The following RGS5 variants were observed in gnomAD, a reference collection of about 807,000 sequenced individuals.
RGS5 encodes regulator of G-protein signalling 5.
Under a neutral mutation model 18.9 loss-of-function variants are expected in RGS5, and 20 were observed. That is an observed-to-expected ratio of 1.06 (90% CI 0.74 to 1.54). The LOEUF is 1.54. Ranked by LOEUF, RGS5 falls within the 40% of genes most tolerant of loss-of-function variation. RGS5 has a pLI of 0.00. For synonymous variants in RGS5, 57 were observed against 76.2 expected (o/e 0.75, Z 1.31); for missense variants, 201 against 211.8 (o/e 0.95, Z 0.32).
intron 2 of RGS5, among the ~76,000 whole-genome samples, chr1:163,260,383 A>T (rs964179973): frequency 8.5e-5 from 13 of 152,200 alleles, no homozygotes; most frequent in Non-Finnish European, 1.8e-4. Context: ...TGCTTTAAAG[A>T]GTATGACTTC....
intron 2 of RGS5, among the ~76,000 whole-genome samples, chr1:163,164,841 T>C (rs918961845): frequency 6.6e-6 from 1 of 152,108 alleles, no homozygotes; most frequent in Non-Finnish European, 1.5e-5. Flanking sequence ...ATTGTTTTGG[T>C]TTGATTTGGT....
chr1:163,242,395 C>A (rs2101692068), intron 2 of RGS5, among the ~76,000 whole-genome samples: 1 of 152,168 alleles, frequency 6.6e-6, no homozygotes, highest in South Asian at 2.1e-4. Context: ...CTGTAAATAC[C>A]AAATAAACCA....
At chr1:163,150,386 T>C (rs1657325497) in intron 4 of RGS5, among the ~76,000 whole-genome samples, 3 of 152,210 alleles carry the variant, frequency 2.0e-5, no homozygotes, top group African/African-American at 7.2e-5. Context: ...CTACTATTTG[T>C]AGGTATTTCA....
chr1:163,200,751 A>C (rs1659743977), intron 1 of RGS5, among the ~76,000 whole-genome samples: 1 of 152,168 alleles, frequency 6.6e-6, no homozygotes, highest in Non-Finnish European at 1.5e-5. Flanking sequence ...AATAAATAAA[A>C]GACTCAGTCA....
chr1:163,230,888 C>T (rs1647462474), intron 2 of RGS5, among the ~76,000 whole-genome samples: 1 of 152,162 alleles, frequency 6.6e-6, no homozygotes, highest in African/African-American at 2.4e-5. Context: ...ATCAGATGTC[C>T]TTTTAAAAAA....
chr1:163,309,228 G>A (rs930670184), intron 1 of RGS5, among the ~76,000 whole-genome samples: 3 of 152,162 alleles, frequency 2.0e-5, no homozygotes, highest in African/African-American at 4.8e-5. Context: ...GGTTGCTGAA[G>A]GTTTAGGTGG....
intron 4 of RGS5, among the ~76,000 whole-genome samples, chr1:163,150,675 A>C (rs1466628141): frequency 1.3e-5 from 2 of 152,108 alleles, no homozygotes; most frequent in East Asian, 3.9e-4. Flanking sequence ...ACTTAAATCT[A>C]GATTCTTTCT....
chr1:163,318,451 A>G (rs1481748323), intron 1 of RGS5, among the ~76,000 whole-genome samples: 7 of 152,128 alleles, frequency 4.6e-5, no homozygotes, highest in Admixed American at 3.3e-4. Context: ...GTGAGATGAG[A>G]TAGAATTGGG....
chr1:163,257,994 G>A (rs1456535622), intron 2 of RGS5, among the ~76,000 whole-genome samples: 2 of 152,166 alleles, frequency 1.3e-5, no homozygotes, highest in African/African-American at 4.8e-5. Context: ...AGGAGATGAA[G>A]GGCTCAGGAT....
rs144689396 is a variant in RGS5 at position 163,247,702 on chromosome 1, C to T, written c.-281+58531G>A. Reference sequence around the variant, plus strand: ...AACTTTTTGATAGTGATATTCTGAACCTTTTCTTCTAGAAAAATGGGCACT... The same window carrying T: ...AACTTTTTGATAGTGATATTCTGAATCTTTTCTTCTAGAAAAATGGGCACT... On this transcript the variant is annotated intron_variant, in intron 2 of 5. Coordinates refer to the RGS5 transcript ENST00000618415. Among the ~76,000 whole-genome samples the T allele has an allele frequency of 6.4e-3, 968 of 151,740 alleles. 8 individuals carry two copies. Among genetic ancestry groups the T allele is most frequent in the African/African-American group, 0.022 (918 of 41,360 alleles).
chr1:163,178,425 A>G (rs1052278003), intron 1 of RGS5, among the ~76,000 whole-genome samples: 1 of 152,198 alleles, frequency 6.6e-6, no homozygotes, highest in African/African-American at 2.4e-5. Context: ...TTAGGGTTCT[A>G]TAACTAATCA....
intron 2 of RGS5, among the ~76,000 whole-genome samples, chr1:163,245,941 G>C (rs561932072): frequency 7.9e-5 from 12 of 152,276 alleles, no homozygotes; most frequent in African/African-American, 2.2e-4. Flanking sequence ...CCAGTCCGGG[G>C]GCTGTGGCTC....
rs529219979 is a variant in RGS5, at chr1:163,233,530, G to A, written c.-280-65162C>T. The stretch of plus-strand genomic sequence containing the variant: ...CTTAAATCAATAATCAGTGTCATGC[G>A]TGTCCATGTGAAGAGACCATCAAAC... On this transcript the variant is annotated intron_variant, in intron 2 of 5. Transcript: ENST00000618415. Among the ~76,000 whole-genome samples the A allele has an allele frequency of 6.7e-4, 102 of 152,308 alleles. 1 individual carries two copies. The South Asian group carries it at 0.019, about 28-fold the overall frequency.
At chr1:163,212,322 C>T (rs1301534597) in intron 1 of RGS5, 1 of 152,032 alleles carries the variant, frequency 6.6e-6, no homozygotes, top group African/African-American at 2.4e-5. Context: ...AACATGTAGG[C>T]TGGAGAACCT....
chr1:163,269,571 T>C (rs1473248976), intron 2 of RGS5, among the ~76,000 whole-genome samples: 2 of 152,188 alleles, frequency 1.3e-5, no homozygotes, highest in Admixed American at 1.3e-4. Flanking sequence ...GGCTACATAT[T>C]AATTTTCTTA....
intron 1 of RGS5, among the ~76,000 whole-genome samples, chr1:163,174,553 C>T (rs1165959501): frequency 2.0e-5 from 3 of 152,146 alleles, no homozygotes; most frequent in Non-Finnish European, 2.9e-5. Flanking sequence ...GAGGTAACAC[C>T]ATTAAATGAC....
At chr1:163,268,163 T>C (rs1431988250) in intron 2 of RGS5, among the ~76,000 whole-genome samples, 4 of 152,040 alleles carry the variant, frequency 2.6e-5, no homozygotes, top group African/African-American at 9.7e-5. Flanking sequence ...GTAGGGTTAT[T>C]AGCCCATCTC....
chr1:163,173,053 A>T (rs1188446448), intron 1 of RGS5, among the ~76,000 whole-genome samples: 1 of 152,224 alleles, frequency 6.6e-6, no homozygotes, highest in African/African-American at 2.4e-5. Context: ...ACTTGAATGT[A>T]TCTGACATTA....
chr1:163,162,812 T>C (rs1377459279), intron 2 of RGS5: 1 of 152,118 alleles, frequency 6.6e-6, no homozygotes, highest in Non-Finnish European at 1.5e-5. Flanking sequence ...GAGCTGATAT[T>C]GTCCGGGAAA....
Sources: gnomAD v4.1 joint callset for allele counts (sites outside exome capture counted in the v4.1 genomes callset) on GRCh38, gnomAD v4.1.1 for gene constraint, MANE v1.5 for transcripts, NCBI Gene and HGNC (gene_info 2026-07-23, HGNC 2026-07-21) for gene names.